Variants in SLC16A7 observed in about 807,000 individuals in gnomAD.
The protein encoded by SLC16A7 is monocarboxylate transporter 2.
A neutral mutation model predicts 34.9 loss-of-function variants in SLC16A7; 33 were observed. That is an observed-to-expected ratio of 0.94 (90% CI 0.72 to 1.26). The LOEUF (loss-of-function observed/expected upper bound fraction) is 1.26. SLC16A7 is among the 50% of genes most tolerant of loss of function. The pLI is 0.00. For missense variants in SLC16A7, 573 were observed against 578.1 expected (o/e 0.99, Z 0.09); for synonymous variants, 201 against 206.6 (o/e 0.97, Z 0.23).
intron 2 of SLC16A7, among the ~76,000 whole-genome samples, chr12:59,664,200 G>A (rs971616046): frequency 6.6e-6 from 1 of 152,002 alleles, no homozygotes. Context: ...ATGGGGTAGT[G>A]GGTATAAATT....
intron 1 of SLC16A7, among the ~76,000 whole-genome samples, chr12:59,598,673 T>C (rs544331189): frequency 6.6e-6 from 1 of 152,202 alleles, no homozygotes; most frequent in Non-Finnish European, 1.5e-5. Context: ...TAAAAACAGG[T>C]AATGAAGGAT....
chr12:59,649,769 C>T (rs1438697209), intron 1 of SLC16A7, among the ~76,000 whole-genome samples: 5 of 151,894 alleles, frequency 3.3e-5, no homozygotes, highest in South Asian at 2.1e-4. Flanking sequence ...GCCAACATGG[C>T]GAAACCCCGT....
intron 3 of SLC16A7, among the ~76,000 whole-genome samples, chr12:59,705,951 A>C (rs569538021): frequency 6.6e-6 from 1 of 152,144 alleles, no homozygotes; most frequent in Non-Finnish European, 1.5e-5. Flanking sequence ...AGTATTTAGT[A>C]ATATTTACTT....
intron 2 of SLC16A7, among the ~76,000 whole-genome samples, chr12:59,678,396 T>C (rs887199860): frequency 3.3e-5 from 5 of 152,090 alleles, no homozygotes; most frequent in African/African-American, 1.2e-4. Context: ...CTGCAGTAGG[T>C]AGCTCCTCTC....
intron 3 of SLC16A7, 142 bp from the exon 4 acceptor site, chr12:59,771,077 C>A (rs1022165524): frequency 4.3e-6 from 3 of 704,270 alleles, no homozygotes; most frequent in Admixed American, 2.8e-5. Flanking sequence ...TTGAAAAGTT[C>A]TCATTATGTT....
chr12:59,694,162 T>G (rs1871997511), intron 2 of SLC16A7, among the ~76,000 whole-genome samples: 2 of 151,944 alleles, frequency 1.3e-5, no homozygotes, highest in Admixed American at 1.3e-4. Flanking sequence ...AACTTCTGGC[T>G]ATAATAATTA....
chr12:59,772,340 T>A (rs1882314566), intron 4 of SLC16A7, among the ~76,000 whole-genome samples: 2 of 152,206 alleles, frequency 1.3e-5, no homozygotes, highest in East Asian at 3.8e-4. Context: ...TATGTAAGCA[T>A]TATCATAGTG....
chr12:59,609,971 T>C (rs1879120625), intron 1 of SLC16A7, among the ~76,000 whole-genome samples: 2 of 152,198 alleles, frequency 1.3e-5, no homozygotes, highest in Admixed American at 1.3e-4. Context: ...CATGCAATCC[T>C]TAATCATTCC....
At chr12:59,717,394 G>A (rs2137188602) in intron 3 of SLC16A7, among the ~76,000 whole-genome samples, 1 of 152,278 alleles carries the variant, frequency 6.6e-6, no homozygotes, top group Admixed American at 6.5e-5. Flanking sequence ...TATCTACACA[G>A]AGTTAGTTTG....
intron 3 of SLC16A7, among the ~76,000 whole-genome samples, chr12:59,747,852 C>T (rs1879061467): frequency 6.6e-6 from 1 of 152,170 alleles, no homozygotes; most frequent in Non-Finnish European, 1.5e-5. Flanking sequence ...TCACTTGATC[C>T]TCCAACACGG....
chr12:59,614,824 T>TAAAAAAAAAA (rs71448588), intron 1 of SLC16A7, among the ~76,000 whole-genome samples: 1 of 35,744 alleles, frequency 2.8e-5, no homozygotes, highest in African/African-American at 1.2e-4. Context: ...CCATTCCTAC[T>TAAAAAAAAAA]AAAAAAAAAA....
intron 1 of SLC16A7, among the ~76,000 whole-genome samples, chr12:59,626,240 T>A (rs989774765): frequency 1.1e-5 from 1 of 89,920 alleles, no homozygotes; most frequent in Admixed American, 1.1e-4. Context: ...GTCCCTGAGG[T>A]TTTTTTGTTT....
chr12:59,727,018 A>G (rs1038436126), intron 3 of SLC16A7, among the ~76,000 whole-genome samples: 8 of 151,940 alleles, frequency 5.3e-5, no homozygotes, highest in Admixed American at 2.0e-4. Flanking sequence ...GAAGGATGAC[A>G]ATCAAAAGGA....
At chr12:59,768,873 A>G (rs1881946061) in intron 3 of SLC16A7, among the ~76,000 whole-genome samples, 1 of 151,932 alleles carries the variant, frequency 6.6e-6, no homozygotes, top group South Asian at 2.1e-4. Context: ...GGTGGCACAC[A>G]CCTGTGGTCC....
At position 59,639,974 on chromosome 12, in the gene SLC16A7, G is replaced by A. The variant is rs568931731; in HGVS notation, c.-129-15178G>A. 9.2e-5 allele frequency among the ~76,000 whole-genome samples: 14 copies of A among 152,142 alleles called. No homozygotes were observed. The South Asian group carries it at 2.3e-3, about 25-fold the overall frequency. ...TTGGGGATTCCAGCTCCTTACTCAGGTTCAATAATTTGTTAGAACAGCTCG... is the reference window on the plus strand; with the variant it reads ...TTGGGGATTCCAGCTCCTTACTCAGATTCAATAATTTGTTAGAACAGCTCG... On this transcript the variant is annotated intron_variant, in intron 1 of 5. Coordinates refer to ENST00000547379, the MANE Select transcript of SLC16A7 (RefSeq NM_001270623.2).
chr12:59,771,268 G>A lies in SLC16A7; in HGVS notation c.267G>A (p.Val89=). 1 of 1,613,494 alleles carries A rather than the reference G, an allele frequency of 6.2e-7. No homozygotes were observed. The highest frequency in any genetic ancestry group is 8.5e-7 in the Non-Finnish European group (1 of 1,179,642). ...ATAAATACGGCAGCCGGCCGGTGGT[G>A]ATAGCAGGAGGCTTATTATGCTGTC... ...LVNKYGSRPV[V]IAGGLLCCLG... The change falls in exon 4 of 6, where the codon GTG becomes GTA. Residue 89 remains valine (V), a synonymous_variant. Coordinates refer to ENST00000547379, the MANE Select transcript of SLC16A7 (RefSeq NM_001270623.2).
chr12:59,660,541 C>CAAAA (rs201006070), intron 2 of SLC16A7, among the ~76,000 whole-genome samples: 1 of 111,508 alleles, frequency 9.0e-6, no homozygotes, highest in Non-Finnish European at 1.9e-5. Flanking sequence ...CTTGTCTCTA[C>CAAAA]AAAAAAAAAA....
intron 3 of SLC16A7, among the ~76,000 whole-genome samples, chr12:59,751,079 GA>G: frequency 6.6e-6 from 1 of 151,276 alleles, no homozygotes; most frequent in African/African-American, 2.4e-5. Context: ...GGGGCTAGGG[GA>G]GGGACAGCAT....
At chr12:59,702,808 T>C (rs1873050476) in intron 2 of SLC16A7, among the ~76,000 whole-genome samples, 1 of 152,084 alleles carries the variant, frequency 6.6e-6, no homozygotes, top group African/African-American at 2.4e-5. Context: ...TGCTTGCTTT[T>C]TTTTCTCCCT....
Sources: gnomAD v4.1 joint callset for allele counts (sites outside exome capture counted in the v4.1 genomes callset) on GRCh38, gnomAD v4.1.1 for gene constraint, MANE v1.5 for transcripts, NCBI Gene and HGNC (gene_info 2026-07-23, HGNC 2026-07-21) for gene names.